Variants in DYNC2LI1 observed in about 807,000 individuals in gnomAD.
DYNC2LI1 encodes the protein cytoplasmic dynein 2 light intermediate chain 1.
Under a neutral mutation model 51.9 loss-of-function variants are expected in DYNC2LI1, and 45 were observed. That is an observed-to-expected ratio of 0.87 (90% CI 0.68 to 1.11). DYNC2LI1 has a LOEUF of 1.11. Ranked by LOEUF, DYNC2LI1 falls within the 50% of genes most tolerant of loss-of-function variation. The probability of loss-of-function intolerance (pLI) is 0.00; values close to 1 mark genes in which losing one functional copy is unlikely to be tolerated. For missense variants in DYNC2LI1, 490 were observed against 417.4 expected, an observed-to-expected ratio of 1.17 and a Z score of -1.51; for synonymous variants, 130 against 137.8, an observed-to-expected ratio of 0.94 and a Z score of 0.40.
intron 2 of DYNC2LI1, among the ~76,000 whole-genome samples, chr2:43,778,108 A>G (rs1673106854): frequency 6.6e-6 from 1 of 152,152 alleles, no homozygotes; most frequent in Non-Finnish European, 1.5e-5. Flanking sequence ...ATTATCGTAG[A>G]GATCATTTAT....
intron 5 of DYNC2LI1, 21 bp from the exon 6 acceptor site, chr2:43,794,431 TTTGAA>T: frequency 1.3e-6 from 2 of 1,578,190 alleles, no homozygotes; most frequent in Non-Finnish European, 1.7e-6. Flanking sequence ...TTGAGTCTTT[TTTGAA>T]AAGTGTTTTT....
intron 6 of DYNC2LI1, chr2:43,795,166 C>G (rs1271060680): frequency 1.0e-6 from 1 of 989,142 alleles, no homozygotes; most frequent in South Asian, 4.6e-5. Flanking sequence ...TAATAAATAT[C>G]ATCATCTGGA....
At chr2:43,823,250 T>G in the DYNC2LI1 span, among the ~76,000 whole-genome samples, 2 of 152,142 alleles carry the variant, frequency 1.3e-5, no homozygotes, top group Non-Finnish European at 2.9e-5. Context: ...AAGCACTTTG[T>G]CTTCTTTCTG....
chr2:43,819,944 C>A, the DYNC2LI1 span: 2 of 1,614,112 alleles, frequency 1.2e-6, no homozygotes, highest in Non-Finnish European at 1.7e-6. Context: ...CAAGCACCCC[C>A]GCAATGGACA....
the DYNC2LI1 span, chr2:43,826,636 C>T: frequency 1.1e-5 from 16 of 1,489,318 alleles, no homozygotes; most frequent in South Asian, 6.8e-5. Flanking sequence ...AAACAGTGTG[C>T]GGTGGGAAGT....
chr2:43,783,492 G>C, intron 2 of DYNC2LI1, 28 bp from the exon 3 acceptor site: 6 of 1,504,364 alleles, frequency 4.0e-6, no homozygotes, highest in Non-Finnish European at 5.4e-6. Flanking sequence ...TGACATTAAC[G>C]CAGTGTTCCT....
the DYNC2LI1 span, chr2:43,823,007 G>T: frequency 6.3e-7 from 1 of 1,586,056 alleles, no homozygotes; most frequent in Non-Finnish European, 8.6e-7. Context: ...AGCCCAAGCT[G>T]AATGTGAGGT....
rs1442400755 is a variant in DYNC2LI1, at chr2:43,801,626, C to T, written c.732-13C>T. On this transcript the variant is annotated splice_polypyrimidine_tract_variant and intron_variant, in intron 9 of 12. Coordinates refer to ENST00000260605, the MANE Select transcript of DYNC2LI1 (RefSeq NM_016008.4). ...TGCTAAACTAATTTAGAATCTTTCT[C>T]TTCTCCACGTAGCAAATCAATATGT... The T allele has an allele frequency of 1.3e-6, 2 of 1,599,462 alleles. No individual in the cohort carries two copies. Among genetic ancestry groups the T allele is most frequent in the African/African-American group, 2.7e-5 (2 of 74,752 alleles).
At chr2:43,821,606 C>T in the DYNC2LI1 span, among the ~76,000 whole-genome samples, 1 of 152,154 alleles carries the variant, frequency 6.6e-6, no homozygotes, top group African/African-American at 2.4e-5. Context: ...CTCCCTTAAG[C>T]AATGGAAGGT....
At chr2:43,779,480 C>T (rs1673176004) in intron 2 of DYNC2LI1, among the ~76,000 whole-genome samples, 1 of 152,184 alleles carries the variant, frequency 6.6e-6, no homozygotes, top group South Asian at 2.1e-4. Context: ...AAGCATCCTG[C>T]TAGACACTGT....
At chr2:43,804,310 A>G (rs956072862) in intron 10 of DYNC2LI1, among the ~76,000 whole-genome samples, 1 of 152,208 alleles carries the variant, frequency 6.6e-6, no homozygotes, top group African/African-American at 2.4e-5. Context: ...GAAATCCTTA[A>G]TACAGTACCA....
Position 43,787,202 on chromosome 2 carries a change from C to G in DYNC2LI1, c.183C>G (p.Thr61=), listed in dbSNP as rs1019846122. 1 of 1,613,176 alleles carries G rather than the reference C, an allele frequency of 6.2e-7. No homozygotes were observed. Among genetic ancestry groups the G allele is most frequent in the African/African-American group, 1.3e-5 (1 of 74,910 alleles). ...CLDRDEPPKP[T]LALEYTYGRR... is the part of the protein sequence containing the mutation. ...ACAGAGATGAACCACCAAAACCAAC[C>G]TTAGCTTTGGAATATACATATGGAA... Residue 61 remains threonine, a synonymous_variant, in exon 4 of 13, where the codon ACC becomes ACG. Transcript: ENST00000260605.
intron 2 of DYNC2LI1, among the ~76,000 whole-genome samples, chr2:43,779,934 G>A (rs1379418955): frequency 1.3e-5 from 2 of 152,206 alleles, no homozygotes; most frequent in East Asian, 1.9e-4. Context: ...ATTACCTGGG[G>A]CAGTCTTTGC....
downstream of DYNC2LI1, chr2:43,812,814 GA>G (rs140489975): frequency 1.4e-4 from 47 of 338,594 alleles, no homozygotes; most frequent in Middle Eastern, 8.8e-4. Flanking sequence ...CTAGAACAAG[GA>G]AAAAAAATAG....
downstream of DYNC2LI1, among the ~76,000 whole-genome samples, chr2:43,810,990 G>A (rs1257832726): frequency 2.0e-5 from 3 of 152,172 alleles, no homozygotes; most frequent in African/African-American, 7.2e-5. Context: ...GTTTTTCTAA[G>A]GTGCTATCAC....
intron 12 of DYNC2LI1, among the ~76,000 whole-genome samples, chr2:43,807,341 A>C (rs1666299371): frequency 6.6e-6 from 1 of 151,982 alleles, no homozygotes; most frequent in African/African-American, 2.4e-5. Context: ...CTTAAGTAGT[A>C]TTTTCTGTTT....
chr2:43,795,930 TA>T lies in DYNC2LI1; in HGVS notation c.550del (p.Ile184LeufsTer18). 1 of 1,613,454 alleles carries T rather than the reference TA, an allele frequency of 6.2e-7. No individual in the cohort carries two copies. The highest frequency in any genetic ancestry group is 8.5e-7 in the Non-Finnish European group (1 of 1,179,488). Reference sequence around the variant, plus strand: ...GACCCATTTCCGGTACCTCTGGTCATAATTGGAAGTAAATATGATGTTTTTC... The same window carrying T: ...GACCCATTTCCGGTACCTCTGGTCATATTGGAAGTAAATATGATGTTTTTC... ...LIDPFPVPLV[I>X]IGSKYDVFQD... On this transcript the variant is annotated frameshift_variant, in exon 7 of 13. Transcript: ENST00000260605. LOFTEE classifies it high-confidence loss of function.
chr2:43,777,956 A>G (rs1038137969), intron 2 of DYNC2LI1, among the ~76,000 whole-genome samples: 3 of 152,230 alleles, frequency 2.0e-5, no homozygotes, highest in African/African-American at 4.8e-5. Flanking sequence ...ATACGTAAAT[A>G]AAAAATTCTG....
At chr2:43,797,003 A>T (rs191877709) in intron 8 of DYNC2LI1, among the ~76,000 whole-genome samples, 10 of 152,360 alleles carry the variant, frequency 6.6e-5, no homozygotes, top group Admixed American at 6.5e-4. Flanking sequence ...CTTCTTTGGA[A>T]CAAAAGTTCT....
Sources: allele counts gnomAD v4.1 joint callset (sites outside exome capture counted in the v4.1 genomes callset), GRCh38; gene constraint gnomAD v4.1.1; transcripts MANE v1.5; gene names NCBI Gene and HGNC (gene_info 2026-07-23, HGNC 2026-07-21).